Variants in XRN1 observed in about 807,000 individuals in gnomAD.
XRN1 encodes 5'-3' exoribonuclease 1.
XRN1 carries 67 observed loss-of-function variants against 222.3 expected under a neutral mutation model. The observed-to-expected ratio is 0.30, with a 90% CI of 0.25 to 0.37. The LOEUF (loss-of-function observed/expected upper bound fraction) is 0.37, where lower values mean the gene tolerates loss of function less well. XRN1 is among the 10% of genes least tolerant of loss of function. The pLI is 1.00. For missense variants in XRN1, 1,707 were observed against 2,000.2 expected, an observed-to-expected ratio of 0.85 and a Z score of 2.80; for synonymous variants, 643 against 652.4, an observed-to-expected ratio of 0.99 and a Z score of 0.22.
At chr3:142,410,233 G>A (rs191922381) in intron 15 of XRN1, among the ~76,000 whole-genome samples, 2 of 152,082 alleles carry the variant, frequency 1.3e-5, no homozygotes, top group African/African-American at 2.4e-5. Flanking sequence ...GTTGTTTGCA[G>A]TAAGATTTTT....
At position 142,447,467 on chromosome 3, in the gene XRN1, C is replaced by G. The variant is rs1177585816; in HGVS notation, c.75+403G>C. Among the ~76,000 whole-genome samples, 2 of 152,324 alleles carry G rather than the reference C, an allele frequency of 1.3e-5. No homozygotes were observed. Among genetic ancestry groups the G allele is most frequent in the East Asian group, 3.9e-4 (2 of 5,180 alleles). On this transcript the variant is annotated intron_variant, in intron 1 of 40. Coordinates refer to ENST00000392981, the MANE Select transcript of XRN1 (RefSeq NM_001282857.2). This position sits in a 1 kb window ranked among gnomAD's most constrained non-coding sequence, Gnocchi z 4.2. ...CGGCTGTTATCGTCTGTAAGTGGGT[C>G]TGCCGCTCTGGGTGGGATGGGGGAA...
chr3:142,375,984 A>ACACACAC, intron 24 of XRN1, 40 bp from the exon 25 acceptor site: 1 of 1,512,078 alleles, frequency 6.6e-7, no homozygotes, highest in Non-Finnish European at 8.8e-7. Flanking sequence ...GCACACACAC[A>ACACACAC]CACACACACA....
At chr3:142,331,182 G>A (rs2065685914) in intron 36 of XRN1, among the ~76,000 whole-genome samples, 1 of 152,156 alleles carries the variant, frequency 6.6e-6, no homozygotes, top group Admixed American at 6.5e-5. Context: ...TGACTTCTCT[G>A]AGAAACTTCT....
intron 20 of XRN1, among the ~76,000 whole-genome samples, chr3:142,395,224 T>C (rs2067883135): frequency 6.6e-6 from 1 of 152,042 alleles, no homozygotes; most frequent in African/African-American, 2.4e-5. Flanking sequence ...TAGGGAGGCA[T>C]GAAAGGAAGG....
intron 20 of XRN1, 66 bp from the exon 21 acceptor site, chr3:142,384,751 C>T (rs1228076520): frequency 3.3e-6 from 4 of 1,211,152 alleles, no homozygotes; most frequent in Admixed American, 2.6e-5. Flanking sequence ...GGACGATAAT[C>T]GTCAACTATC....
rs371273751 is a variant in XRN1 at position 142,347,641 on chromosome 3, G to A, written c.3769-299C>T. On this transcript the variant is annotated intron_variant, in intron 32 of 40. Coordinates refer to ENST00000392981, the MANE Select transcript of XRN1 (RefSeq NM_001282857.2). ...AGACAGATTCTTGCTCTGTTACCAA[G>A]GCTGGAAGTGCAGTGGCACAATCTC... Among the ~76,000 whole-genome samples the A allele has an allele frequency of 2.6e-4, 39 of 151,168 alleles. 1 individual carries two copies. In the East Asian group the frequency reaches 3.9e-3, roughly 15 times the overall value.
At chr3:142,352,811 T>G (rs1463524839) in intron 32 of XRN1, among the ~76,000 whole-genome samples, 1 of 152,116 alleles carries the variant, frequency 6.6e-6, no homozygotes, top group Non-Finnish European at 1.5e-5. Context: ...CCTGATTGAT[T>G]TTTTGTATTG....
At chr3:142,347,477 A>C in intron 32 of XRN1, 135 bp from the exon 33 acceptor site, 1 of 533,066 alleles carries the variant, frequency 1.9e-6, no homozygotes, top group Non-Finnish European at 3.0e-6. Flanking sequence ...AAAAGTATAG[A>C]GACTTTTAAA....
intron 31 of XRN1, among the ~76,000 whole-genome samples, chr3:142,356,390 G>T (rs1002602539): frequency 6.6e-6 from 1 of 152,018 alleles, no homozygotes. Context: ...TTAAAAAAAC[G>T]TACTTAATAA....
chr3:142,425,123 T>G, intron 5 of XRN1, 99 bp downstream of exon 5: 2 of 781,114 alleles, frequency 2.6e-6, no homozygotes, highest in Non-Finnish European at 3.8e-6. Flanking sequence ...GTGTCTCCAA[T>G]ATTTGTTGCC....
At chr3:142,328,919 A>G (rs1019988767) in intron 37 of XRN1, among the ~76,000 whole-genome samples, 23 of 150,228 alleles carry the variant, frequency 1.5e-4, no homozygotes, top group African/African-American at 5.1e-4. Flanking sequence ...CACATGGCTA[A>G]TTTTATTTTT....
At chr3:142,361,893 G>GTT (rs35580489) in intron 29 of XRN1, among the ~76,000 whole-genome samples, 55 of 122,112 alleles carry the variant, frequency 4.5e-4, no homozygotes, top group East Asian at 1.0e-3. Flanking sequence ...TTTGAAGAGA[G>GTT]TTTTTTTTTT....
At chr3:142,377,770 A>T (rs910697886) in intron 23 of XRN1, among the ~76,000 whole-genome samples, 2 of 152,192 alleles carry the variant, frequency 1.3e-5, no homozygotes, top group African/African-American at 4.8e-5. Flanking sequence ...AGAAAGAAAC[A>T]ACACTGTACA....
chr3:142,406,320 G>A (rs1350915362), intron 15 of XRN1, among the ~76,000 whole-genome samples: 1 of 152,036 alleles, frequency 6.6e-6, no homozygotes, highest in Non-Finnish European at 1.5e-5. Flanking sequence ...AATAAAACTG[G>A]ACTTTTATCT....
chr3:142,424,126 C>T (rs539906194), intron 5 of XRN1, among the ~76,000 whole-genome samples: 2 of 151,798 alleles, frequency 1.3e-5, no homozygotes, highest in South Asian at 4.2e-4. Flanking sequence ...GACAGAGTCT[C>T]GCTCTGTTGC....
At chr3:142,444,253 T>C (rs977940078) in intron 1 of XRN1, among the ~76,000 whole-genome samples, 2 of 151,722 alleles carry the variant, frequency 1.3e-5, no homozygotes, top group Non-Finnish European at 2.9e-5. Context: ...AAGATCAGAG[T>C]GGGCAACATG....
intron 34 of XRN1, 43 bp from the exon 35 acceptor site, chr3:142,333,132 A>C (rs201318049): frequency 3.0e-5 from 47 of 1,572,664 alleles, no homozygotes; most frequent in Admixed American, 1.9e-4. Flanking sequence ...AACGTATAAT[A>C]CAAGAACACA....
chr3:142,365,373 A>G lies in XRN1; in HGVS notation c.3205-7T>C, dbSNP rs184790852. ...TCTTATTATTCTTTCTTTGCTGAGG[A>G]AAAAGAAAAATTGTTAAATATTTTT... On this transcript the variant is annotated splice_region_variant and splice_polypyrimidine_tract_variant and intron_variant, in intron 27 of 40. Coordinates refer to ENST00000392981, the MANE Select transcript of XRN1 (RefSeq NM_001282857.2). 535 of 1,549,168 alleles carry G rather than the reference A, an allele frequency of 3.5e-4. 2 individuals are homozygous for G. The African/African-American group carries it at 6.5e-3, about 19-fold the overall frequency.
In XRN1 at chr3:142,365,096, G is replaced by A. The variant is rs1466242930; in HGVS notation, c.3345C>T (p.Asn1115=). Residue 1115 remains asparagine, a synonymous_variant, in exon 29 of 41, where the codon AAC becomes AAT. Coordinates refer to ENST00000392981, the MANE Select transcript of XRN1 (RefSeq NM_001282857.2). ...LFDRVVNVRE[N]FSVPVGLRGT... is the part of the protein sequence containing the mutation. ...CTCGAAGGCCAACTGGAACTGAGAA[G>A]TTTTCTCTCACATTTACAACACGGT... 3.7e-6 allele frequency: 6 copies of A among 1,613,334 alleles called. No individual in the cohort carries two copies. Among genetic ancestry groups the A allele is most frequent in the Non-Finnish European group, 5.1e-6 (6 of 1,179,700 alleles).
Sources: gnomAD v4.1 joint callset for allele counts (sites outside exome capture counted in the v4.1 genomes callset) on GRCh38, gnomAD v4.1.1 for gene constraint, Gnocchi (gnomAD v3.1) non-coding constraint, MANE v1.5 for transcripts, NCBI Gene and HGNC (gene_info 2026-07-23, HGNC 2026-07-21) for gene names.